Variants in RBMS3 observed in about 807,000 individuals in gnomAD.
RBMS3 encodes the protein RNA binding motif single stranded interacting protein 3.
RBMS3 carries 27 observed loss-of-function variants against 66.8 expected under a neutral mutation model. That is an observed-to-expected ratio of 0.40 (90% CI 0.30 to 0.56). RBMS3 has a LOEUF of 0.56. Among genes scored for constraint, RBMS3 ranks in the 20% least tolerant of loss-of-function variants. The pLI is 0.40. For missense variants in RBMS3, 513 were observed against 549.5 expected, an observed-to-expected ratio of 0.93 and a Z score of 0.66; for synonymous variants, 188 against 183.0, an observed-to-expected ratio of 1.03 and a Z score of -0.22.
intron 7 of RBMS3, among the ~76,000 whole-genome samples, chr3:29,871,488 T>C (rs1043596898): frequency 6.6e-6 from 1 of 152,130 alleles, no homozygotes; most frequent in African/African-American, 2.4e-5. Flanking sequence ...TTGTTTTTCA[T>C]TTACCATTAT....
intron 1 of RBMS3, among the ~76,000 whole-genome samples, chr3:29,302,679 A>G (rs1282755225): frequency 6.6e-6 from 1 of 152,076 alleles, no homozygotes; most frequent in Non-Finnish European, 1.5e-5. Flanking sequence ...AGGTACTGAC[A>G]GTAGGACAGA....
chr3:29,680,964 G>A (rs2149259968), intron 4 of RBMS3, among the ~76,000 whole-genome samples: 1 of 152,246 alleles, frequency 6.6e-6, no homozygotes, highest in South Asian at 2.1e-4. Flanking sequence ...TAACATTGCT[G>A]TCACCCTGGA....
At chr3:29,552,338 C>G (rs1470224710) in intron 3 of RBMS3, among the ~76,000 whole-genome samples, 1 of 152,130 alleles carries the variant, frequency 6.6e-6, no homozygotes, top group Non-Finnish European at 1.5e-5. Context: ...AACTGCCACA[C>G]TCTCCCTTTT....
At chr3:29,301,110 T>C (rs2033641950) in intron 1 of RBMS3, among the ~76,000 whole-genome samples, 1 of 151,946 alleles carries the variant, frequency 6.6e-6, no homozygotes, top group African/African-American at 2.4e-5. Context: ...CAGATGAAGA[T>C]GTGCTCTAGA....
intron 1 of RBMS3, among the ~76,000 whole-genome samples, chr3:29,417,415 A>T (rs970604312): frequency 6.6e-6 from 1 of 152,108 alleles, no homozygotes; most frequent in Non-Finnish European, 1.5e-5. Flanking sequence ...ACGTAGAGTT[A>T]AATATCTGTT....
In RBMS3 at chr3:29,650,986, C is replaced by T. The variant is rs540726282; in HGVS notation, c.399+63781C>T. Among the ~76,000 whole-genome samples, 4 of 152,202 alleles carry T rather than the reference C, an allele frequency of 2.6e-5. No homozygotes were observed. In the South Asian group the frequency reaches 6.2e-4, roughly 24 times the overall value. ...TGAAGTCTTTATATGTTTCTATACC[C>T]CTGGATAAATCTCAACTATTTTAGT... On this transcript the variant is annotated intron_variant, in intron 4 of 14. Transcript: ENST00000383767.
At chr3:29,313,780 T>C (rs2034517718) in intron 1 of RBMS3, among the ~76,000 whole-genome samples, 1 of 151,598 alleles carries the variant, frequency 6.6e-6, no homozygotes, top group South Asian at 2.1e-4. Flanking sequence ...GTGACTGGTT[T>C]ATAGATGGAT....
chr3:29,372,344 A>T (rs746527514), intron 1 of RBMS3, among the ~76,000 whole-genome samples: 38 of 152,244 alleles, frequency 2.5e-4, no homozygotes, highest in Non-Finnish European at 5.1e-4. Context: ...AAAAGAAAAA[A>T]GTTTACCAAA....
At chr3:29,298,192 G>T (rs1385103716) in intron 1 of RBMS3, among the ~76,000 whole-genome samples, 1 of 151,808 alleles carries the variant, frequency 6.6e-6, no homozygotes, top group Non-Finnish European at 1.5e-5. Flanking sequence ...TGAATGATTG[G>T]TCTACATGAA....
chr3:29,668,643 A>G (rs951186455), intron 4 of RBMS3, among the ~76,000 whole-genome samples: 1 of 152,226 alleles, frequency 6.6e-6, no homozygotes, highest in Non-Finnish European at 1.5e-5. Context: ...ATACAAAATA[A>G]TGCACAAAAG....
chr3:29,912,073 C>T (rs1000832822), intron 10 of RBMS3, among the ~76,000 whole-genome samples: 4 of 151,622 alleles, frequency 2.6e-5, no homozygotes, highest in Non-Finnish European at 2.9e-5. Flanking sequence ...TGCAGGGATG[C>T]GGATGGATGA....
intron 6 of RBMS3, among the ~76,000 whole-genome samples, chr3:29,842,201 T>C (rs1351285888): frequency 1.3e-5 from 2 of 152,170 alleles, no homozygotes; most frequent in Non-Finnish European, 2.9e-5. Flanking sequence ...ATTCACATTA[T>C]TGTCATTATT....
intron 1 of RBMS3, among the ~76,000 whole-genome samples, chr3:29,393,763 C>T (rs182014578): frequency 4.6e-5 from 7 of 151,632 alleles, no homozygotes; most frequent in Non-Finnish European, 7.4e-5. Flanking sequence ...GGGGTGACAT[C>T]ATGTATTGGC....
At chr3:29,488,367 A>T in intron 2 of RBMS3, 74 bp from the exon 3 acceptor site, 1 of 1,291,900 alleles carries the variant, frequency 7.7e-7, no homozygotes, top group Non-Finnish European at 1.1e-6. Context: ...GTGTGCCCCG[A>T]TGTTCATTAG....
At chr3:29,997,264 T>A (rs1013191154) in intron 14 of RBMS3, among the ~76,000 whole-genome samples, 8 of 151,978 alleles carry the variant, frequency 5.3e-5, no homozygotes, top group African/African-American at 1.9e-4. Context: ...ACTGAAATTG[T>A]GGCAATAATC....
At chr3:29,874,974 A>G (rs2059578084) in intron 7 of RBMS3, among the ~76,000 whole-genome samples, 1 of 152,154 alleles carries the variant, frequency 6.6e-6, no homozygotes, top group South Asian at 2.1e-4. Flanking sequence ...GCAGTATAAC[A>G]TACTTAGGTT....
Position 29,821,132 on chromosome 3 carries a change from C to G in RBMS3, c.638-47726C>G, listed in dbSNP as rs532604771. ...AAATGGAATTCATTATCCAAACAGC[C>G]AAGTATACATATCTGTCAATATGAT... On this transcript the variant is annotated intron_variant, in intron 6 of 14. Transcript: ENST00000383767. 3.9e-5 allele frequency among the ~76,000 whole-genome samples: 6 copies of G among 152,220 alleles called. No individual in the cohort carries two copies. The South Asian group carries it at 1.2e-3, about 32-fold the overall frequency.
chr3:29,670,405 T>C (rs1344663992), intron 4 of RBMS3, among the ~76,000 whole-genome samples: 1 of 152,118 alleles, frequency 6.6e-6, no homozygotes, highest in Non-Finnish European at 1.5e-5. Context: ...TGGGACTTGT[T>C]GGACTGTGGG....
chr3:29,821,883 T>G (rs4680854), intron 6 of RBMS3, among the ~76,000 whole-genome samples: 62,281 of 151,958 alleles, frequency 0.41, 13,287 homozygotes, highest in Non-Finnish European at 0.47. Flanking sequence ...AGTGTATCCA[T>G]TTTTTCTTTC....
Sources: gnomAD v4.1 joint callset for allele counts (sites outside exome capture counted in the v4.1 genomes callset) on GRCh38, gnomAD v4.1.1 for gene constraint, MANE v1.5 for transcripts, NCBI Gene and HGNC (gene_info 2026-07-23, HGNC 2026-07-21) for gene names.